ZBTB20: variants seen among roughly 807,000 people sequenced by gnomAD.
ZBTB20 encodes zinc finger and BTB domain-containing protein 20.
Under a neutral mutation model 56.9 loss-of-function variants are expected in ZBTB20, and 9 were observed. The ratio of observed to expected loss-of-function variants is 0.16; its 90% confidence interval spans 0.10 to 0.28. ZBTB20 has a LOEUF of 0.28. Among genes scored for constraint, ZBTB20 ranks in the 10% least tolerant of loss-of-function variants. The pLI, the probability that ZBTB20 is intolerant of heterozygous loss-of-function variation, is 1.00. For missense variants in ZBTB20, 655 were observed against 1,003.0 expected, an observed-to-expected ratio of 0.65 and a Z score of 4.69; for synonymous variants, 417 against 420.7, an observed-to-expected ratio of 0.99 and a Z score of 0.11.
intron 5 of ZBTB20, among the ~76,000 whole-genome samples, chr3:114,700,066 T>TA (rs1415414950): frequency 6.6e-6 from 1 of 152,112 alleles, no homozygotes; most frequent in Non-Finnish European, 1.5e-5. Context: ...TACTTTTTTT[T>TA]ATCTTAAATG....
At chr3:114,963,118 CTA>C in intron 3 of ZBTB20, among the ~76,000 whole-genome samples, 1 of 151,924 alleles carries the variant, frequency 6.6e-6, no homozygotes, top group South Asian at 2.1e-4. Flanking sequence ...TCAATCCCTC[CTA>C]TGTTTTATTT....
chr3:114,547,154 G>A (rs2049991193), intron 6 of ZBTB20, among the ~76,000 whole-genome samples: 2 of 152,146 alleles, frequency 1.3e-5, no homozygotes, highest in Admixed American at 6.5e-5. Flanking sequence ...AAGGATAACT[G>A]GTAGTAGAGT....
intron 1 of ZBTB20, among the ~76,000 whole-genome samples, chr3:115,104,897 G>T (rs1205501095): frequency 1.3e-5 from 2 of 152,164 alleles, no homozygotes; most frequent in African/African-American, 4.8e-5. Context: ...CTTATCATAT[G>T]TAACAAATAT....
At chr3:114,534,365 A>G (rs1424631410) in intron 6 of ZBTB20, among the ~76,000 whole-genome samples, 1 of 152,222 alleles carries the variant, frequency 6.6e-6, no homozygotes, top group Non-Finnish European at 1.5e-5. Flanking sequence ...CAGATTTTAA[A>G]CCAATAAAGA....
chr3:114,664,605 A>G (rs2060940573), intron 6 of ZBTB20, among the ~76,000 whole-genome samples: 1 of 63,470 alleles, frequency 1.6e-5, no homozygotes, highest in Non-Finnish European at 2.9e-5. Context: ...CACCTCCCCA[A>G]CACACACACA....
intron 2 of ZBTB20, among the ~76,000 whole-genome samples, chr3:115,058,531 C>G (rs1264492917): frequency 2.6e-5 from 4 of 152,128 alleles, no homozygotes; most frequent in Non-Finnish European, 5.9e-5. Flanking sequence ...GAGTTTGAGA[C>G]CAGCCTGGCC....
At position 114,477,929 on chromosome 3, in the gene ZBTB20, GTCTC is replaced by G. The variant is rs66520481; in HGVS notation, c.-255+22419_-255+22422del. Among the ~76,000 whole-genome samples the G allele has an allele frequency of 1.4e-3, 165 of 121,806 alleles. 2 individuals carry two copies. The East Asian group carries it at 0.024, about 18-fold the overall frequency. 79.9% of individuals were successfully genotyped at this position (121,806 alleles called of 152,430 possible). On this transcript the variant is annotated intron_variant, in intron 7 of 11. Coordinates refer to ENST00000675478, the MANE Select transcript of ZBTB20 (RefSeq NM_001348800.3). Reference sequence around the variant, plus strand: ...TCTTTCCTTCTTTCTTTCTTTCTCTGTCTCTCTCTCTCTCTCTCTCCCTCCCACC... The same window carrying G: ...TCTTTCCTTCTTTCTTTCTTTCTCTGTCTCTCTCTCTCTCTCCCTCCCACC...
At chr3:114,591,696 C>T (rs1182817058) in intron 6 of ZBTB20, among the ~76,000 whole-genome samples, 4 of 152,174 alleles carry the variant, frequency 2.6e-5, no homozygotes, top group East Asian at 3.8e-4. Flanking sequence ...GGTCTGCTTT[C>T]TCTCCTGAAG....
At chr3:114,654,221 CTTCT>C (rs2060278377) in intron 6 of ZBTB20, among the ~76,000 whole-genome samples, 1 of 151,762 alleles carries the variant, frequency 6.6e-6, no homozygotes, top group Non-Finnish European at 1.5e-5. Context: ...TTTCTTCTTC[CTTCT>C]AATTTAGGAT....
At chr3:114,461,305 C>T (rs564415361) in intron 7 of ZBTB20, among the ~76,000 whole-genome samples, 3 of 151,174 alleles carry the variant, frequency 2.0e-5, no homozygotes, top group South Asian at 2.1e-4. Context: ...CTCCCCCCCC[C>T]CTCTTTTTTT....
chr3:114,878,944 A>G (rs1274460662), intron 4 of ZBTB20, among the ~76,000 whole-genome samples: 1 of 152,216 alleles, frequency 6.6e-6, no homozygotes, highest in Non-Finnish European at 1.5e-5. Flanking sequence ...AAAGCAGGAC[A>G]TAAGGGCAAA....
chr3:115,123,693 A>C (rs1266285883), intron 1 of ZBTB20, among the ~76,000 whole-genome samples: 1 of 152,176 alleles, frequency 6.6e-6, no homozygotes, highest in Non-Finnish European at 1.5e-5. Flanking sequence ...ACCAGTAAAC[A>C]CACATCCAAT....
At chr3:114,411,450 A>C (rs1372659609) in intron 7 of ZBTB20, among the ~76,000 whole-genome samples, 3 of 152,216 alleles carry the variant, frequency 2.0e-5, no homozygotes, top group African/African-American at 7.2e-5. Flanking sequence ...GAAAGTTTTA[A>C]ATTACAGGCT....
At chr3:114,437,086 T>G (rs1396730173) in intron 7 of ZBTB20, among the ~76,000 whole-genome samples, 1 of 152,068 alleles carries the variant, frequency 6.6e-6, no homozygotes, top group African/African-American at 2.4e-5. Context: ...GGGATAGGGA[T>G]AATTCTGGAA....
At chr3:115,047,467 T>C (rs1489310409) in intron 2 of ZBTB20, among the ~76,000 whole-genome samples, 1 of 152,206 alleles carries the variant, frequency 6.6e-6, no homozygotes, top group African/African-American at 2.4e-5. Flanking sequence ...ACTTATTAAA[T>C]GTACATTTTA....
At chr3:114,430,203 T>C (rs2090017661) in intron 7 of ZBTB20, among the ~76,000 whole-genome samples, 1 of 152,216 alleles carries the variant, frequency 6.6e-6, no homozygotes, top group African/African-American at 2.4e-5. Flanking sequence ...AGGAGAAAGA[T>C]AACATGTGAG....
intron 4 of ZBTB20, among the ~76,000 whole-genome samples, chr3:114,847,573 G>A (rs113400258): frequency 0.011 from 1,622 of 152,232 alleles, 25 homozygotes; most frequent in African/African-American, 0.037. Context: ...GGGCCTTTTC[G>A]TGGGACCAGT....
chr3:114,490,388 A>T (rs1378468780), intron 7 of ZBTB20, among the ~76,000 whole-genome samples: 2 of 151,812 alleles, frequency 1.3e-5, no homozygotes, highest in African/African-American at 4.8e-5. Flanking sequence ...TGCCCGGCTA[A>T]TTTTTTGTAT....
chr3:114,837,270 T>C (rs779103306), intron 4 of ZBTB20, among the ~76,000 whole-genome samples: 10 of 152,260 alleles, frequency 6.6e-5, no homozygotes, highest in African/African-American at 9.6e-5. Context: ...TATGTGAGTA[T>C]GCACATGTAC....
Sources: allele counts gnomAD v4.1 joint callset (sites outside exome capture counted in the v4.1 genomes callset), GRCh38; gene constraint gnomAD v4.1.1; transcripts MANE v1.5; gene names NCBI Gene and HGNC (gene_info 2026-07-23, HGNC 2026-07-21).